Variants in RNGTT observed in about 807,000 individuals in gnomAD.
RNGTT encodes the protein RNA guanylyltransferase and 5'-phosphatase.
A neutral mutation model predicts 79.3 loss-of-function variants in RNGTT; 33 were observed. The observed-to-expected ratio is 0.42, with a 90% CI of 0.32 to 0.56. The LOEUF (loss-of-function observed/expected upper bound fraction) is 0.56, where lower values mean the gene tolerates loss of function less well. RNGTT is among the 20% of genes least tolerant of loss of function. The pLI is 0.17. For synonymous variants in RNGTT, 222 were observed against 235.9 expected (o/e 0.94, Z 0.54); for missense variants, 497 against 739.1 (o/e 0.67, Z 3.80).
intron 13 of RNGTT, among the ~76,000 whole-genome samples, chr6:88,698,515 G>A (rs1182011646): frequency 6.6e-6 from 1 of 150,924 alleles, no homozygotes; most frequent in Non-Finnish European, 1.5e-5. Flanking sequence ...AGTAACTACT[G>A]GCTAGCTATC....
chr6:88,895,798 G>A (rs1582595389), intron 6 of RNGTT, among the ~76,000 whole-genome samples: 1 of 152,124 alleles, frequency 6.6e-6, no homozygotes, highest in African/African-American at 2.4e-5. Context: ...GTCAACTACA[G>A]TTGACACCAT....
intron 12 of RNGTT, among the ~76,000 whole-genome samples, chr6:88,793,539 T>C (rs1465091748): frequency 6.6e-6 from 1 of 152,124 alleles, no homozygotes; most frequent in Non-Finnish European, 1.5e-5. Context: ...ACTTAGGAGA[T>C]AAAAGATATA....
At chr6:88,702,367 T>C (rs149761877) in intron 13 of RNGTT, among the ~76,000 whole-genome samples, 1 of 152,062 alleles carries the variant, frequency 6.6e-6, no homozygotes, top group Non-Finnish European at 1.5e-5. Context: ...AACAGACACA[T>C]AAACTGGTGA....
chr6:88,678,934 T>C (rs908838448), intron 13 of RNGTT, among the ~76,000 whole-genome samples: 1 of 152,090 alleles, frequency 6.6e-6, no homozygotes, highest in African/African-American at 2.4e-5. Flanking sequence ...AGGGATCGTT[T>C]TTCAATAAAA....
intron 12 of RNGTT, among the ~76,000 whole-genome samples, chr6:88,779,243 C>T (rs1034055361): frequency 6.6e-6 from 1 of 152,098 alleles, no homozygotes; most frequent in Non-Finnish European, 1.5e-5. Flanking sequence ...CACATCCCAC[C>T]GCATTTGCAA....
At chr6:88,718,585 T>C (rs1351038198) in intron 13 of RNGTT, among the ~76,000 whole-genome samples, 2 of 152,064 alleles carry the variant, frequency 1.3e-5, no homozygotes, top group Non-Finnish European at 2.9e-5. Flanking sequence ...ATCATAAAAA[T>C]GAGTTCATAT....
intron 1 of RNGTT, among the ~76,000 whole-genome samples, chr6:88,957,583 G>C (rs1212603745): frequency 6.6e-6 from 1 of 152,134 alleles, no homozygotes; most frequent in Non-Finnish European, 1.5e-5. Context: ...CAATGGCCAA[G>C]CTGAGAATCA....
intron 13 of RNGTT, among the ~76,000 whole-genome samples, chr6:88,717,542 G>C (rs1333492671): frequency 6.6e-6 from 1 of 152,212 alleles, no homozygotes; most frequent in Admixed American, 6.5e-5. Flanking sequence ...AGAAGAAGGA[G>C]AGAAGGTGGC....
chr6:88,842,556 A>C (rs1781330556), intron 11 of RNGTT, among the ~76,000 whole-genome samples: 2 of 152,216 alleles, frequency 1.3e-5, no homozygotes, highest in South Asian at 4.1e-4. Flanking sequence ...TGAAGAAGAG[A>C]CAGTGAATAG....
At chr6:88,635,962 G>A (rs1458520136) in intron 14 of RNGTT, among the ~76,000 whole-genome samples, 1 of 151,960 alleles carries the variant, frequency 6.6e-6, no homozygotes, top group African/African-American at 2.4e-5. Flanking sequence ...TACAGAAATG[G>A]GAGCATATCC....
chr6:88,830,057 A>G (rs1048623669), intron 11 of RNGTT, among the ~76,000 whole-genome samples: 5 of 152,210 alleles, frequency 3.3e-5, no homozygotes, highest in African/African-American at 1.2e-4. Context: ...AGACATCTAC[A>G]GAACTCTCCA....
chr6:88,721,045 C>A (rs1290542846), intron 13 of RNGTT, among the ~76,000 whole-genome samples: 1 of 152,068 alleles, frequency 6.6e-6, no homozygotes, highest in Non-Finnish European at 1.5e-5. Context: ...TGGAAGTTTC[C>A]ATTCAATATA....
intron 13 of RNGTT, among the ~76,000 whole-genome samples, chr6:88,725,174 T>C (rs540168826): frequency 1.3e-5 from 2 of 152,180 alleles, no homozygotes; most frequent in Non-Finnish European, 2.9e-5. Flanking sequence ...TCTCTGGTTG[T>C]CTCTCGTGAG....
Position 88,940,573 on chromosome 6 carries a change from T to C in RNGTT, c.174+498A>G, listed in dbSNP as rs76136311. On this transcript the variant is annotated intron_variant, in intron 2 of 15. Transcript: ENST00000369485. ...AGGGTGTGGTTGTTAGTGGAGGCTATAGTAAGTTTTGCTGGGGGCTGGGAT... is the reference window on the plus strand; with the variant it reads ...AGGGTGTGGTTGTTAGTGGAGGCTACAGTAAGTTTTGCTGGGGGCTGGGAT... 5.9e-5 allele frequency among the ~76,000 whole-genome samples: 9 copies of C among 152,298 alleles called. No individual in the cohort carries two copies. The East Asian group carries it at 1.2e-3, about 20-fold the overall frequency.
chr6:88,889,118 G>A (rs1393222335), intron 8 of RNGTT, among the ~76,000 whole-genome samples: 1 of 152,104 alleles, frequency 6.6e-6, no homozygotes, highest in Non-Finnish European at 1.5e-5. Context: ...TAATCTCTAG[G>A]TGATAAAATT....
At chr6:88,744,460 C>A (rs1467385391) in intron 13 of RNGTT, among the ~76,000 whole-genome samples, 1 of 152,082 alleles carries the variant, frequency 6.6e-6, no homozygotes, top group Non-Finnish European at 1.5e-5. Flanking sequence ...TGAGGTTTCA[C>A]CATGTTGGCC....
intron 14 of RNGTT, among the ~76,000 whole-genome samples, chr6:88,656,016 T>G (rs762951100): frequency 7.2e-5 from 11 of 151,906 alleles, no homozygotes; most frequent in Non-Finnish European, 1.3e-4. Flanking sequence ...ATGTAAACTA[T>G]TAAACTAGAA....
Position 88,924,435 on chromosome 6 carries a change from C to T in RNGTT, c.367+4550G>A, listed in dbSNP as rs146750154. ...CACTTACTGGTGTATAAGATATCTT[C>T]ATAAATAAGATTATTAACTTTTTAT... On this transcript the variant is annotated intron_variant, in intron 4 of 15. Transcript: ENST00000369485. Among the ~76,000 whole-genome samples, 782 of 152,248 alleles carry T rather than the reference C, an allele frequency of 5.1e-3. 4 individuals carry two copies. The highest frequency in any genetic ancestry group is 0.014 in the Middle Eastern group (4 of 294).
chr6:88,750,656 G>A (rs896066775), intron 13 of RNGTT, among the ~76,000 whole-genome samples: 3 of 152,084 alleles, frequency 2.0e-5, no homozygotes, highest in Admixed American at 2.0e-4. Context: ...ATCCTGGCCT[G>A]ATTTATTTAC....
Sources: gnomAD v4.1 joint callset for allele counts (sites outside exome capture counted in the v4.1 genomes callset) on GRCh38, gnomAD v4.1.1 for gene constraint, MANE v1.5 for transcripts, NCBI Gene and HGNC (gene_info 2026-07-23, HGNC 2026-07-21) for gene names.